ANTXR1: variants seen among roughly 807,000 people sequenced by gnomAD.
ANTXR1 encodes the protein anthrax toxin receptor 1.
In ANTXR1, 19 loss-of-function variants were observed where a neutral mutation model predicts 78.1. The ratio of observed to expected loss-of-function variants is 0.24; its 90% CI spans 0.17 to 0.36. The LOEUF is 0.36. Among genes scored for constraint, ANTXR1 ranks in the 10% least tolerant of loss-of-function variants. The pLI, the probability that ANTXR1 is intolerant of heterozygous loss-of-function variation, is 1.00. For synonymous variants in ANTXR1, 273 were observed against 260.5 expected, an observed-to-expected ratio of 1.05 and a Z score of -0.46; for missense variants, 518 against 718.6, an observed-to-expected ratio of 0.72 and a Z score of 3.19.
intron 17 of ANTXR1, among the ~76,000 whole-genome samples, chr2:69,234,462 T>G (rs756042668): frequency 1.3e-5 from 2 of 152,198 alleles, no homozygotes; most frequent in Non-Finnish European, 2.9e-5. Context: ...CTGGGTAATT[T>G]TATATGTCAG....
At chr2:69,059,132 A>G (rs151281523) in intron 3 of ANTXR1, among the ~76,000 whole-genome samples, 94 of 152,338 alleles carry the variant, frequency 6.2e-4, no homozygotes, top group Non-Finnish European at 6.6e-4. Flanking sequence ...AATTACAAGG[A>G]ACTTAGAATA....
intron 14 of ANTXR1, among the ~76,000 whole-genome samples, chr2:69,171,532 C>T (rs547465051): frequency 1.3e-5 from 2 of 152,316 alleles, no homozygotes; most frequent in Admixed American, 6.5e-5. Flanking sequence ...CTTATTAGGA[C>T]TTTGTTTGCC....
chr2:69,137,620 C>A (rs1573922997), intron 12 of ANTXR1, among the ~76,000 whole-genome samples: 1 of 151,886 alleles, frequency 6.6e-6, no homozygotes, highest in Non-Finnish European at 1.5e-5. Context: ...GACCCTATCT[C>A]TACAAAAAAT....
Position 69,013,575 on chromosome 2 carries a change from G to A in ANTXR1, c.76G>A (p.Ala26Thr), listed in dbSNP as rs762884429. ...TTTGGCCACTCTGGTGCTCATCTGC[G>A]CCGGGCAAGGGGGACGCAGGGAGGA... ...LSLATLVLIC[A>T]GQGGRREDGG... The change falls in exon 1 of 18, where the codon GCC becomes ACC. Residue 26 changes from alanine to threonine, a missense_variant. Coordinates refer to ENST00000303714, the MANE Select transcript of ANTXR1 (RefSeq NM_032208.3). This position sits in a 1 kb window ranked among gnomAD's most constrained non-coding sequence, Gnocchi z 5.0. 4.1e-5 allele frequency: 65 copies of A among 1,571,000 alleles called. No homozygotes were observed. Among genetic ancestry groups the A allele is most frequent in the Non-Finnish European group, 5.1e-5 (59 of 1,157,866 alleles).
intron 1 of ANTXR1, among the ~76,000 whole-genome samples, chr2:69,031,866 A>C (rs1265728355): frequency 6.6e-6 from 1 of 152,188 alleles, no homozygotes; most frequent in Admixed American, 6.5e-5. Context: ...TTTCTGCATC[A>C]CTGCTGGAAA....
At chr2:69,099,601 C>T (rs1671545159) in intron 9 of ANTXR1, among the ~76,000 whole-genome samples, 1 of 152,192 alleles carries the variant, frequency 6.6e-6, no homozygotes, top group Non-Finnish European at 1.5e-5. Context: ...CAGCAGATGC[C>T]ATTGTCCATC....
intron 3 of ANTXR1, among the ~76,000 whole-genome samples, chr2:69,049,205 A>C (rs1468557656): frequency 6.6e-6 from 1 of 152,180 alleles, no homozygotes; most frequent in East Asian, 1.9e-4. Context: ...AAGACCATGC[A>C]TGCAGCCCCC....
rs1676000648 is a variant in ANTXR1, at chr2:69,245,443, G to A, written c.1653G>A (p.Arg551=). 1 of 1,598,214 alleles carries A rather than the reference G, an allele frequency of 6.3e-7. No homozygotes were observed. ...CTCCCCAGGCTCCACCTCCCAACAG[G>A]GCACCTCCTCCCTCCCGCCCTCCTC... The part of the protein sequence containing the change: ...PPPPQAPPPN[R]APPPSRPPPR... The change falls in exon 18 of 18, where the codon AGG becomes AGA. Residue 551 remains arginine (R), a synonymous_variant. Coordinates refer to ENST00000303714, the MANE Select transcript of ANTXR1 (RefSeq NM_032208.3).
intron 17 of ANTXR1, among the ~76,000 whole-genome samples, chr2:69,221,393 G>A (rs1290332479): frequency 6.6e-6 from 1 of 152,140 alleles, no homozygotes; most frequent in Non-Finnish European, 1.5e-5. Flanking sequence ...TCCAGATTAA[G>A]CCCCATTTTG....
At chr2:69,212,750 CAA>C (rs1675074613) in intron 17 of ANTXR1, among the ~76,000 whole-genome samples, 1 of 152,032 alleles carries the variant, frequency 6.6e-6, no homozygotes, top group Non-Finnish European at 1.5e-5. Flanking sequence ...CTCTGGGACT[CAA>C]GTGATCCTCC....
chr2:69,172,525 T>C (rs1674017809), intron 14 of ANTXR1: 6 of 1,419,764 alleles, frequency 4.2e-6, no homozygotes, highest in Non-Finnish European at 5.5e-6. Context: ...AATCCCAGTG[T>C]CTAACATTCA....
chr2:69,148,703 C>T (rs1433509827), intron 12 of ANTXR1, among the ~76,000 whole-genome samples: 1 of 152,226 alleles, frequency 6.6e-6, no homozygotes, highest in Non-Finnish European at 1.5e-5. Flanking sequence ...TTATTACCAT[C>T]ATTGTCATTA....
intron 3 of ANTXR1, among the ~76,000 whole-genome samples, chr2:69,048,990 T>G (rs906435169): frequency 2.6e-5 from 4 of 152,178 alleles, no homozygotes; most frequent in Non-Finnish European, 4.4e-5. Context: ...TTTGTTTTTT[T>G]CTTCAAATTA....
At chr2:69,091,633 G>T (rs1671241004) in intron 9 of ANTXR1, among the ~76,000 whole-genome samples, 1 of 151,980 alleles carries the variant, frequency 6.6e-6, no homozygotes, top group Non-Finnish European at 1.5e-5. Flanking sequence ...GTGGTCATAG[G>T]CCATACTGGA....
intron 14 of ANTXR1, among the ~76,000 whole-genome samples, chr2:69,180,167 C>T (rs1054230763): frequency 6.6e-6 from 1 of 152,236 alleles, no homozygotes. Context: ...CACCTTTTGT[C>T]CTGACCTCTC....
intron 17 of ANTXR1, among the ~76,000 whole-genome samples, chr2:69,221,030 A>C (rs1387885407): frequency 6.6e-6 from 1 of 152,256 alleles, no homozygotes; most frequent in African/African-American, 2.4e-5. Flanking sequence ...CCACAGAAAA[A>C]TGTAATGAAT....
chr2:69,075,651 A>G lies in ANTXR1; in HGVS notation c.554A>G (p.Glu185Gly), dbSNP rs959683752. ...TGTGTTGGTGTGAAAGATTTCAATGAGACACAGGTATGGTAATGGATTTCC... is the reference window on the plus strand; with the variant it reads ...TGTGTTGGTGTGAAAGATTTCAATGGGACACAGGTATGGTAATGGATTTCC... ...VYCVGVKDFNETQLARIADSK... is the reference protein window; with the variant it reads ...VYCVGVKDFNGTQLARIADSK... The change falls in exon 7 of 18, where the codon GAG (glutamate) becomes GGG (glycine). Residue 185 changes from glutamate (E) to glycine (G), a missense_variant. By Grantham distance (98) the Glu-to-Gly change is moderately conservative. This residue lies in a region of ANTXR1 where 264 missense variants were observed against 391.8 expected (regional missense o/e 0.67). Transcript: ENST00000303714. 1.9e-6 allele frequency: 3 copies of G among 1,613,934 alleles called. No homozygotes were observed. The African/African-American group carries it at 4.0e-5, about 22-fold the overall frequency.
intron 1 of ANTXR1, among the ~76,000 whole-genome samples, chr2:69,037,889 A>G (rs1669491811): frequency 6.6e-6 from 1 of 151,918 alleles, no homozygotes. Flanking sequence ...ACAGGAGGGG[A>G]CCCTGGCACG....
intron 1 of ANTXR1, among the ~76,000 whole-genome samples, chr2:69,017,569 G>A (rs1288215547): frequency 6.6e-6 from 1 of 152,094 alleles, no homozygotes; most frequent in African/African-American, 2.4e-5. Context: ...TCTCAACCAG[G>A]AGCAAAGACT....
Sources: allele counts gnomAD v4.1 joint callset (sites outside exome capture counted in the v4.1 genomes callset), GRCh38; gene constraint gnomAD v4.1.1; regional missense constraint gnomAD v4.1.1; non-coding constraint Gnocchi (gnomAD v3.1); transcripts MANE v1.5; gene names NCBI Gene and HGNC (gene_info 2026-07-23, HGNC 2026-07-21).